PCDH19: variants seen among roughly 807,000 people sequenced by gnomAD.
PCDH19 encodes the protein protocadherin-19.
A neutral mutation model predicts 46.2 loss-of-function variants in PCDH19; 6 were observed. The observed-to-expected ratio is 0.13, with a 90% CI of 0.07 to 0.26. PCDH19 has a LOEUF of 0.26. PCDH19 is among the 10% of genes least tolerant of loss of function. PCDH19 has a pLI of 1.00. For missense variants in PCDH19, 740 were observed against 972.3 expected (o/e 0.76, Z 3.18); for synonymous variants, 481 against 415.7 (o/e 1.16, Z -1.91).
chrX:100,358,848 A>C (rs1303074642), intron 3 of PCDH19, among the ~76,000 whole-genome samples: 1 of 112,325 alleles, frequency 8.9e-6, no homozygotes, highest in Non-Finnish European at 1.9e-5. Flanking sequence ...TGAAAAATTC[A>C]GTCATGTAAG....
chrX:100,302,439 G>A (rs745613591), intron 5 of PCDH19, among the ~76,000 whole-genome samples: 31 of 111,560 alleles, frequency 2.8e-4, no homozygotes, highest in South Asian at 1.1e-3. Flanking sequence ...CATCACACGC[G>A]TAATTACCAT....
At chrX:100,392,498 C>T (rs1927891222) in intron 3 of PCDH19, among the ~76,000 whole-genome samples, 1 of 112,050 alleles carries the variant, frequency 8.9e-6, no homozygotes, top group Non-Finnish European at 1.9e-5. Flanking sequence ...TTATTTAGTA[C>T]GAATGCCACT....
chrX:100,316,399 C>A (rs1355743144), intron 5 of PCDH19, among the ~76,000 whole-genome samples: 1 of 112,355 alleles, frequency 8.9e-6, no homozygotes, highest in Non-Finnish European at 1.9e-5. Context: ...AGGACCATGT[C>A]TTGACATTCA....
intron 5 of PCDH19, among the ~76,000 whole-genome samples, chrX:100,316,824 C>A (rs1394557671): frequency 1.8e-5 from 2 of 112,038 alleles, no homozygotes; most frequent in East Asian, 5.6e-4. Flanking sequence ...CAATATTTTA[C>A]AATCAATACA....
chrX:100,387,959 C>T (rs1431729571), intron 3 of PCDH19, among the ~76,000 whole-genome samples: 1 of 111,569 alleles, frequency 9.0e-6, no homozygotes, highest in Non-Finnish European at 1.9e-5. Context: ...TCATTAAAAA[C>T]TGTCTATGCC....
Position 100,295,945 on chromosome X carries a change from G to T in PCDH19, c.*332C>A. 9.5e-6 allele frequency: 2 copies of T among 209,550 alleles called. No individual in the cohort carries two copies. The highest frequency in any genetic ancestry group is 1.7e-5 in the Non-Finnish European group (2 of 116,375). 17.3% of individuals were successfully genotyped at this position (209,550 alleles called of 1,213,427 possible). On this transcript the variant is annotated 3_prime_UTR_variant, in exon 6 of 6. Transcript: ENST00000373034. ...TTAAATGTAATCCTCCACAAACAAT[G>T]GTAATTTATATTATAATTTTGACAT...
chrX:100,364,078 G>A (rs1020597643), intron 3 of PCDH19, among the ~76,000 whole-genome samples: 1 of 110,819 alleles, frequency 9.0e-6, no homozygotes, highest in Non-Finnish European at 1.9e-5. Context: ...CTTTCTTTAC[G>A]GCAGGGTTGG....
intron 3 of PCDH19, among the ~76,000 whole-genome samples, chrX:100,397,837 C>T (rs992381625): frequency 1.1e-4 from 12 of 112,057 alleles, no homozygotes; most frequent in African/African-American, 3.9e-4. Flanking sequence ...TTCCATAAGA[C>T]CGGAAGAAAA....
intron 3 of PCDH19, among the ~76,000 whole-genome samples, chrX:100,385,512 G>A (rs965601615): frequency 8.9e-6 from 1 of 111,901 alleles, no homozygotes; most frequent in African/African-American, 3.2e-5. Flanking sequence ...CAATGCTAGC[G>A]ATTGTTTGAG....
Position 100,406,545 on chromosome X carries a change from G to A in PCDH19, c.2053C>T (p.Leu685=). ...AAGAGGATGCCCGCAATGGAGCCCAGGGCAATAATGAAAATCAAGGACAAG... is the reference window on the plus strand; with the variant it reads ...AAGAGGATGCCCGCAATGGAGCCCAAGGCAATAATGAAAATCAAGGACAAG... The part of the protein sequence containing the change: ...VNLSLIFIIA[L]GSIAGILFVT... The change falls in exon 1 of 6, where the codon CTG becomes TTG. Residue 685 remains leucine (L), a synonymous_variant. Coordinates refer to ENST00000373034, the MANE Select transcript of PCDH19 (RefSeq NM_001184880.2). 3 of 1,209,411 alleles carry A rather than the reference G, an allele frequency of 2.5e-6. No individual in the cohort carries two copies. The highest frequency in any genetic ancestry group is 3.0e-5 in the East Asian group (1 of 33,793).
chrX:100,392,987 C>A (rs774497552), intron 3 of PCDH19, among the ~76,000 whole-genome samples: 9 of 110,880 alleles, frequency 8.1e-5, no homozygotes, highest in Non-Finnish European at 1.7e-4. Context: ...CTCCCTCAAG[C>A]CAAGAGAATT....
intron 3 of PCDH19, among the ~76,000 whole-genome samples, chrX:100,384,021 G>A (rs1295561716): frequency 3.6e-5 from 4 of 111,462 alleles, no homozygotes; most frequent in African/African-American, 1.3e-4. Flanking sequence ...AACCATCTAG[G>A]AAAATGTTTT....
At position 100,409,376 on chromosome X, in the gene PCDH19, C is replaced by A. The variant is rs1191872825; in HGVS notation, c.-779G>T. On this transcript the variant is annotated 5_prime_UTR_variant, in exon 1 of 6. Coordinates refer to ENST00000373034, the MANE Select transcript of PCDH19 (RefSeq NM_001184880.2). ...TTGAGCGCGCTCCCTCGCGCTAAGGCTGGCTTCGAAGGGCTTGGGGGCGCG... is the reference window on the plus strand; with the variant it reads ...TTGAGCGCGCTCCCTCGCGCTAAGGATGGCTTCGAAGGGCTTGGGGGCGCG... 8.9e-6 allele frequency: 1 copy of A among 112,087 alleles called. No individual in the cohort carries two copies. Among genetic ancestry groups the A allele is most frequent in the African/African-American group, 3.3e-5 (1 of 30,753 alleles). 9.2% of individuals were successfully genotyped at this position (112,087 alleles called of 1,213,427 possible).
At chrX:100,319,780 C>T (rs1460610298) in intron 5 of PCDH19, among the ~76,000 whole-genome samples, 1 of 112,045 alleles carries the variant, frequency 8.9e-6, no homozygotes, top group African/African-American at 3.2e-5. Flanking sequence ...AAGGAAAGAG[C>T]TAATCATTCC....
chrX:100,381,214 A>G (rs1005020612), intron 3 of PCDH19, among the ~76,000 whole-genome samples: 2 of 112,310 alleles, frequency 1.8e-5, no homozygotes, highest in East Asian at 2.8e-4. Flanking sequence ...AATATTACCT[A>G]GCCTATGAAT....
At chrX:100,339,403 A>G (rs962256420) in intron 5 of PCDH19, among the ~76,000 whole-genome samples, 4 of 112,160 alleles carry the variant, frequency 3.6e-5, no homozygotes, top group Non-Finnish European at 7.5e-5. Flanking sequence ...TTGAAGCAAC[A>G]ATACCATGTT....
intron 5 of PCDH19, among the ~76,000 whole-genome samples, chrX:100,323,052 TTGA>T: frequency 9.2e-6 from 1 of 108,415 alleles, no homozygotes; most frequent in Non-Finnish European, 1.9e-5. Context: ...GGAAGGAAAC[TTGA>T]AGACTCAAGC....
rs757057837 is a variant in PCDH19 at position 100,296,521 on chromosome X, G to T, written c.3203C>A (p.Pro1068His). Reference protein sequence around the residue: ...GCEAISPVTSPLHLKSSLPTK... With the variant: ...GCEAISPVTSHLHLKSSLPTK... ...GGGCAGAGAGCTCTTGAGGTGGAGG[G>T]GGGAGGTGACAGGGCTAATCGCCTC... Residue 1068 changes from proline to histidine, a missense_variant, in exon 6 of 6, where the codon CCC becomes CAC. Physicochemically the swap from Pro to His is moderately conservative, Grantham distance 77 (BLOSUM62 -2). This residue lies in a region of PCDH19 where 416 missense variants were observed against 476.8 expected (regional missense o/e 0.87). Transcript: ENST00000373034. The T allele has an allele frequency of 8.3e-7, 1 of 1,211,068 alleles. No homozygotes were observed. The highest frequency in any genetic ancestry group is 2.3e-4 in the Middle Eastern group (1 of 4,348).
chrX:100,385,669 C>A (rs1359995463), intron 3 of PCDH19, among the ~76,000 whole-genome samples: 1 of 111,615 alleles, frequency 9.0e-6, no homozygotes, highest in Non-Finnish European at 1.9e-5. Flanking sequence ...CCGAGGCAGG[C>A]GGATCACTTG....
Sources: gnomAD v4.1 joint callset for allele counts (sites outside exome capture counted in the v4.1 genomes callset) on GRCh38, gnomAD v4.1.1 for gene constraint, gnomAD v4.1.1 regional missense constraint, MANE v1.5 for transcripts, NCBI Gene and HGNC (gene_info 2026-07-23, HGNC 2026-07-21) for gene names.